Variants in RTL4 observed in about 807,000 individuals in gnomAD.
RTL4 encodes retrotransposon Gag-like protein 4.
Under a neutral mutation model 5.3 loss-of-function variants are expected in RTL4, and 4 were observed. The observed-to-expected ratio is 0.75, with a 90% confidence interval of 0.37 to 1.72. RTL4 has a LOEUF of 1.72. Among genes scored for constraint, RTL4 ranks in the 40% most tolerant of loss-of-function variants. RTL4 has a pLI of 0.04. For synonymous variants in RTL4, 98 were observed against 87.3 expected (o/e 1.12, Z -0.68); for missense variants, 260 against 227.1 (o/e 1.14, Z -0.93).
At chrX:112,175,478 T>C in the RTL4 span, among the ~76,000 whole-genome samples, 2 of 109,940 alleles carry the variant, frequency 1.8e-5, no homozygotes, top group Non-Finnish European at 3.8e-5. Flanking sequence ...TTTTGGTTAC[T>C]GTAGCCTTGT....
chrX:112,406,266 A>C, the RTL4 span, among the ~76,000 whole-genome samples: 2 of 111,832 alleles, frequency 1.8e-5, no homozygotes, highest in Non-Finnish European at 3.8e-5. Flanking sequence ...TTGTAAAGAA[A>C]AGTGGTTTAA....
At chrX:112,295,951 G>T in the RTL4 span, among the ~76,000 whole-genome samples, 20 of 112,218 alleles carry the variant, frequency 1.8e-4, no homozygotes, top group Non-Finnish European at 3.0e-4. Flanking sequence ...GAAATACATT[G>T]CTGAAAAATA....
chrX:112,200,131 C>T, the RTL4 span, among the ~76,000 whole-genome samples: 2 of 111,736 alleles, frequency 1.8e-5, no homozygotes, highest in Non-Finnish European at 3.8e-5. Flanking sequence ...TTTAAGATCC[C>T]CCAGATAGTT....
the RTL4 span, among the ~76,000 whole-genome samples, chrX:112,426,249 T>C: frequency 9.0e-6 from 1 of 111,664 alleles, no homozygotes; most frequent in Non-Finnish European, 1.9e-5. Flanking sequence ...TATAGGTCTA[T>C]TTCTGAGATC....
chrX:112,356,486 G>A, the RTL4 span, among the ~76,000 whole-genome samples: 2 of 111,110 alleles, frequency 1.8e-5, no homozygotes, highest in Non-Finnish European at 3.8e-5. Context: ...AGGAGAGAGG[G>A]AAGGTTCTGG....
At chrX:112,387,610 C>G in the RTL4 span, among the ~76,000 whole-genome samples, 1 of 111,592 alleles carries the variant, frequency 9.0e-6, no homozygotes, top group East Asian at 2.8e-4. Context: ...ATGAAGGGGT[C>G]CAGCTTCATT....
chrX:112,272,066 C>G, the RTL4 span, among the ~76,000 whole-genome samples: 8 of 111,697 alleles, frequency 7.2e-5, no homozygotes, highest in African/African-American at 2.6e-4. Flanking sequence ...TAGCAAATTT[C>G]GAATGTACAA....
At chrX:112,448,125 T>G in the RTL4 span, among the ~76,000 whole-genome samples, 1 of 112,016 alleles carries the variant, frequency 8.9e-6, no homozygotes, top group Non-Finnish European at 1.9e-5. Context: ...TGAACTGCAC[T>G]TAATGAATTA....
At chrX:112,250,965 A>G in the RTL4 span, among the ~76,000 whole-genome samples, 2 of 112,332 alleles carry the variant, frequency 1.8e-5, no homozygotes, top group African/African-American at 6.5e-5. Flanking sequence ...TGGCAAAAAT[A>G]TAATGATGAT....
the RTL4 span, among the ~76,000 whole-genome samples, chrX:112,141,535 C>T: frequency 1.8e-5 from 2 of 111,750 alleles, no homozygotes; most frequent in Non-Finnish European, 3.8e-5. Flanking sequence ...GCTTTCAGTG[C>T]ACTGCCTTCA....
At chrX:112,117,409 A>G in the RTL4 span, among the ~76,000 whole-genome samples, 3 of 110,548 alleles carry the variant, frequency 2.7e-5, no homozygotes, top group Admixed American at 9.6e-5. Flanking sequence ...TATATGGTAA[A>G]TACAAAATTT....
chrX:112,094,006 G>C, the RTL4 span, among the ~76,000 whole-genome samples: 1 of 111,941 alleles, frequency 8.9e-6, no homozygotes, highest in African/African-American at 3.2e-5. Context: ...AGAACAATGA[G>C]AAGCCATTGA....
At chrX:112,252,047 G>T in the RTL4 span, among the ~76,000 whole-genome samples, 3 of 111,573 alleles carry the variant, frequency 2.7e-5, no homozygotes, top group Non-Finnish European at 5.6e-5. Flanking sequence ...TCTGGGGGAC[G>T]ATTTGAGTGG....
At chrX:112,099,175 A>G in the RTL4 span, among the ~76,000 whole-genome samples, 1 of 112,030 alleles carries the variant, frequency 8.9e-6, no homozygotes, top group Non-Finnish European at 1.9e-5. Flanking sequence ...AATAAACTCA[A>G]ACAAATTTAC....
At chrX:112,401,396 T>C in the RTL4 span, among the ~76,000 whole-genome samples, 1 of 111,723 alleles carries the variant, frequency 9.0e-6, no homozygotes, top group Non-Finnish European at 1.9e-5. Context: ...TATCTACTGC[T>C]GCCTGAAAGG....
the RTL4 span, among the ~76,000 whole-genome samples, chrX:112,173,240 A>G: frequency 9.0e-6 from 1 of 111,641 alleles, no homozygotes; most frequent in Non-Finnish European, 1.9e-5. Flanking sequence ...TAATATTGGG[A>G]AAAAAATAAA....
chrX:112,203,907 A>G, the RTL4 span, among the ~76,000 whole-genome samples: 1 of 112,640 alleles, frequency 8.9e-6, no homozygotes, highest in Non-Finnish European at 1.9e-5. Context: ...TGTCTTTCCA[A>G]TTATTGAGGT....
chrX:112,422,984 C>A, the RTL4 span, among the ~76,000 whole-genome samples: 5 of 110,777 alleles, frequency 4.5e-5, no homozygotes, highest in Admixed American at 4.8e-4. Context: ...TTATTTTATT[C>A]TATGTCACTG....
chrX:112,151,196 T>G, the RTL4 span, among the ~76,000 whole-genome samples: 3 of 112,497 alleles, frequency 2.7e-5, no homozygotes, highest in Non-Finnish European at 5.6e-5. Flanking sequence ...AATACTGATA[T>G]CAGTGCACGG....
Sources: gnomAD v4.1 joint callset for allele counts (sites outside exome capture counted in the v4.1 genomes callset) on GRCh38, gnomAD v4.1.1 for gene constraint, MANE v1.5 for transcripts, NCBI Gene and HGNC (gene_info 2026-07-23, HGNC 2026-07-21) for gene names.